The following WWOX variants were observed in gnomAD, a reference collection of about 807,000 sequenced individuals.
The protein encoded by WWOX is WW domain containing oxidoreductase.
In WWOX, 69 loss-of-function variants were observed where a neutral mutation model predicts 46.2. The observed-to-expected ratio is 1.49, with a 90% confidence interval of 1.23 to 1.82. The LOEUF is 1.82. Ranked by LOEUF, WWOX falls within the 40% of genes most tolerant of loss-of-function variation. The pLI is 0.00. For missense variants in WWOX, 919 were observed against 542.6 expected (o/e 1.69, Z -6.89); for synonymous variants, 359 against 202.6 (o/e 1.77, Z -6.56).
intron 8 of WWOX, among the ~76,000 whole-genome samples, chr16:78,735,394 A>AACACACACACACACACACACAC (rs35975130): frequency 8.0e-4 from 97 of 121,386 alleles, no homozygotes; most frequent in African/African-American, 2.9e-3. Context: ...ACCACACACA[A>AACACACACACACACACACACAC]ACACACACAC....
At chr16:79,201,515 T>C (rs2051351884) in intron 8 of WWOX, among the ~76,000 whole-genome samples, 1 of 152,164 alleles carries the variant, frequency 6.6e-6, no homozygotes, top group African/African-American at 2.4e-5. Context: ...TGCCATCAAA[T>C]TAAGTTTGGA....
At chr16:79,108,181 ACTGT>A (rs1385746683) in intron 8 of WWOX, among the ~76,000 whole-genome samples, 1 of 152,234 alleles carries the variant, frequency 6.6e-6, no homozygotes, top group Non-Finnish European at 1.5e-5. Flanking sequence ...CCACTAGTCC[ACTGT>A]CTAAGTGTTA....
intron 8 of WWOX, among the ~76,000 whole-genome samples, chr16:78,717,633 A>G (rs2048594697): frequency 6.6e-6 from 1 of 152,316 alleles, no homozygotes; most frequent in South Asian, 2.1e-4. Flanking sequence ...CCCCAGACAC[A>G]CGGAGGAGAC....
chr16:78,913,524 C>G (rs1403030060), intron 8 of WWOX, among the ~76,000 whole-genome samples: 2 of 152,128 alleles, frequency 1.3e-5, no homozygotes, highest in East Asian at 3.9e-4. Flanking sequence ...GCCAGGGTCC[C>G]TGAGTTCACC....
At chr16:78,445,805 G>C (rs1407211008) in intron 8 of WWOX, among the ~76,000 whole-genome samples, 1 of 151,598 alleles carries the variant, frequency 6.6e-6, no homozygotes, top group African/African-American at 2.4e-5. Flanking sequence ...TTGAACCCAG[G>C]AGGTGGAGGT....
chr16:79,066,341 A>G (rs2048441026), intron 8 of WWOX, among the ~76,000 whole-genome samples: 1 of 152,094 alleles, frequency 6.6e-6, no homozygotes, highest in Non-Finnish European at 1.5e-5. Flanking sequence ...CTTGTTTATT[A>G]TCTGTGTCAC....
At chr16:79,138,807 C>A (rs1001411424) in intron 8 of WWOX, among the ~76,000 whole-genome samples, 1 of 152,120 alleles carries the variant, frequency 6.6e-6, no homozygotes, top group African/African-American at 2.4e-5. Context: ...AGATGCAGGC[C>A]CACAGTAGGG....
chr16:79,180,255 A>T (rs1331629008), intron 8 of WWOX, among the ~76,000 whole-genome samples: 1 of 152,240 alleles, frequency 6.6e-6, no homozygotes, highest in African/African-American at 2.4e-5. Flanking sequence ...TTGGGTCCTT[A>T]TAATACTTGT....
At chr16:78,393,340 T>C (rs1429979152) in intron 6 of WWOX, among the ~76,000 whole-genome samples, 1 of 152,154 alleles carries the variant, frequency 6.6e-6, no homozygotes, top group African/African-American at 2.4e-5. Context: ...AGAGAGGTGC[T>C]CTGTAATACT....
intron 8 of WWOX, among the ~76,000 whole-genome samples, chr16:79,110,176 C>T (rs1054524070): frequency 6.6e-6 from 1 of 152,140 alleles, no homozygotes; most frequent in Admixed American, 6.5e-5. Flanking sequence ...TTCTTCTCAC[C>T]CATGAACATC....
intron 5 of WWOX, among the ~76,000 whole-genome samples, chr16:78,312,184 T>C (rs575701448): frequency 1.3e-5 from 2 of 152,170 alleles, no homozygotes; most frequent in South Asian, 2.1e-4. Flanking sequence ...GTCAGCTGAC[T>C]AGCAAACCTA....
chr16:79,155,918 A>C (rs1479667524), intron 8 of WWOX, among the ~76,000 whole-genome samples: 1 of 151,988 alleles, frequency 6.6e-6, no homozygotes, highest in Non-Finnish European at 1.5e-5. Flanking sequence ...TCTAGGTACA[A>C]GTCTCTCTGT....
chr16:78,900,321 A>G (rs949081542), intron 8 of WWOX, among the ~76,000 whole-genome samples: 1 of 152,118 alleles, frequency 6.6e-6, no homozygotes, highest in African/African-American at 2.4e-5. Context: ...GTTGAAATCT[A>G]TGCCTTAAGC....
chr16:78,112,374 ATAG>A (rs2032541236), intron 3 of WWOX, among the ~76,000 whole-genome samples: 1 of 152,158 alleles, frequency 6.6e-6, no homozygotes, highest in Non-Finnish European at 1.5e-5. Flanking sequence ...AGTTTGTGTA[ATAG>A]TAGCTTGCTG....
intron 8 of WWOX, among the ~76,000 whole-genome samples, chr16:78,732,566 T>G (rs1388807618): frequency 6.6e-6 from 1 of 152,078 alleles, no homozygotes; most frequent in Non-Finnish European, 1.5e-5. Context: ...CACTTCAAAG[T>G]CTTTGGGTAA....
At position 78,099,692 on chromosome 16, in the gene WWOX, C is replaced by G. The variant is rs2031612291; in HGVS notation, c.-87C>G. On this transcript the variant is annotated 5_prime_UTR_variant, in exon 1 of 9. Transcript: ENST00000566780. Reference sequence around the variant, plus strand: ...GTGAGCGGTCGGGCCCCGACGCGCGCGGGTCTCGTTTGGAGCGGGAGTGAG... The same window carrying G: ...GTGAGCGGTCGGGCCCCGACGCGCGGGGGTCTCGTTTGGAGCGGGAGTGAG... The G allele has an allele frequency of 1.4e-6, 2 of 1,440,126 alleles. No homozygotes were observed. Among genetic ancestry groups the G allele is most frequent in the Non-Finnish European group, 1.8e-6 (2 of 1,095,198 alleles). 89.2% of individuals were successfully genotyped at this position (1,440,126 alleles called of 1,614,324 possible). A position where few individuals can be genotyped will look rare whatever the true frequency, so the allele number is the denominator to read the frequency against.
intron 4 of WWOX, among the ~76,000 whole-genome samples, chr16:78,135,572 T>A (rs2033760416): frequency 1.3e-5 from 2 of 152,306 alleles, no homozygotes; most frequent in African/African-American, 4.8e-5. Context: ...TCTGTGAACT[T>A]AGATTTCTTT....
intron 8 of WWOX, among the ~76,000 whole-genome samples, chr16:78,803,994 G>A (rs919763680): frequency 5.9e-5 from 9 of 152,108 alleles, no homozygotes; most frequent in African/African-American, 1.9e-4. Flanking sequence ...GCTGATTGAT[G>A]ATGAGATAGA....
chr16:78,914,880 G>C (rs866002239), intron 8 of WWOX, among the ~76,000 whole-genome samples: 1 of 69,386 alleles, frequency 1.4e-5, no homozygotes, highest in South Asian at 6.2e-4. Flanking sequence ...CTCCGCCTCA[G>C]AAAAAAAAAA....
Sources: allele counts gnomAD v4.1 joint callset (sites outside exome capture counted in the v4.1 genomes callset), GRCh38; gene constraint gnomAD v4.1.1; transcripts MANE v1.5; gene names NCBI Gene and HGNC (gene_info 2026-07-23, HGNC 2026-07-21).